ENPP1: variants seen among roughly 807,000 people sequenced by gnomAD.
ENPP1 encodes the protein ectonucleotide pyrophosphatase/phosphodiesterase family member 1.
ENPP1 carries 73 observed loss-of-function variants against 122.8 expected under a neutral mutation model. The observed-to-expected ratio is 0.59, with a 90% CI of 0.49 to 0.72. The LOEUF (loss-of-function observed/expected upper bound fraction) is 0.72. Among genes scored for constraint, ENPP1 ranks in the 30% least tolerant of loss-of-function variants. The pLI is 0.00. For missense variants in ENPP1, 978 were observed against 1,128.1 expected (o/e 0.87, Z 1.91); for synonymous variants, 367 against 391.6 (o/e 0.94, Z 0.74).
intron 24 of ENPP1, among the ~76,000 whole-genome samples, chr6:131,887,559 A>ATTTCT (rs773533330): frequency 1.2e-5 from 1 of 86,336 alleles, no homozygotes; most frequent in African/African-American, 5.8e-5. Context: ...CACCCAGCTA[A>ATTTCT]TTTTTTTTTT....
chr6:131,824,430 C>T (rs1295698048), intron 1 of ENPP1, among the ~76,000 whole-genome samples: 1 of 150,040 alleles, frequency 6.7e-6, no homozygotes, highest in Non-Finnish European at 1.5e-5. Context: ...CCAGAGCCAT[C>T]TCCAGGCAGG....
rs533289479 is a variant in ENPP1, at chr6:131,821,156, C to T, written c.240+12881C>T. ...TTTGTAAGAAATGCAGAATCTTGGG[C>T]CCCACCCCAGACCTACTAAACCAAG... On this transcript the variant is annotated intron_variant, in intron 1 of 24. Coordinates refer to ENST00000647893, the MANE Select transcript of ENPP1 (RefSeq NM_006208.3). Among the ~76,000 whole-genome samples, 24 of 152,216 alleles carry T rather than the reference C, an allele frequency of 1.6e-4. No homozygotes were observed. The South Asian group carries it at 4.8e-3, about 30-fold the overall frequency.
intron 12 of ENPP1, 132 bp downstream of exon 12, chr6:131,868,258 AG>A: frequency 1.5e-6 from 1 of 665,822 alleles, no homozygotes. Flanking sequence ...GACAGTCTTT[AG>A]GAAAAAAATA....
At chr6:131,840,840 A>G (rs1033625187) in intron 1 of ENPP1, among the ~76,000 whole-genome samples, 5 of 152,214 alleles carry the variant, frequency 3.3e-5, no homozygotes, top group Non-Finnish European at 7.3e-5. Context: ...AATTTGAACC[A>G]AAGTCATTTT....
chr6:131,843,638 C>G (rs1165712943), intron 1 of ENPP1, among the ~76,000 whole-genome samples: 1 of 151,210 alleles, frequency 6.6e-6, no homozygotes, highest in East Asian at 1.9e-4. Context: ...CCCCACCTTT[C>G]CCTCTCCCAG....
chr6:131,872,826 A>C (rs550994190), intron 14 of ENPP1, 97 bp from the exon 15 acceptor site: 1 of 1,228,562 alleles, frequency 8.1e-7, no homozygotes, highest in Admixed American at 2.0e-5. Context: ...GATATTAGGG[A>C]AATATCTTTC....
chr6:131,860,955 A>C (rs1257260902), intron 8 of ENPP1, among the ~76,000 whole-genome samples: 1 of 152,126 alleles, frequency 6.6e-6, no homozygotes, highest in African/African-American at 2.4e-5. Context: ...TTACTTTTTT[A>C]AATTGCCACA....
chr6:131,826,561 T>C, intron 1 of ENPP1: 5 of 1,220,358 alleles, frequency 4.1e-6, no homozygotes, highest in Non-Finnish European at 6.0e-6. Flanking sequence ...GTCTAACTCA[T>C]GCAAATTATT....
intron 20 of ENPP1, among the ~76,000 whole-genome samples, chr6:131,882,054 T>TAAAA (rs1782317839): frequency 6.7e-6 from 1 of 150,300 alleles, no homozygotes; most frequent in Admixed American, 6.6e-5. Flanking sequence ...AATAAATAAA[T>TAAAA]AAATATTTAA....
At chr6:131,808,520 A>C (rs1781310102) in intron 1 of ENPP1, among the ~76,000 whole-genome samples, 1 of 152,228 alleles carries the variant, frequency 6.6e-6, no homozygotes, top group Non-Finnish European at 1.5e-5. Flanking sequence ...CTGTGAAAGC[A>C]GGCTGTTCAA....
intron 9 of ENPP1, 84 bp from the exon 10 acceptor site, chr6:131,864,422 A>C: frequency 1.1e-6 from 1 of 871,218 alleles, no homozygotes; most frequent in Non-Finnish European, 1.9e-6. Context: ...AGTAGCTCTT[A>C]ATGACATTTT....
At chr6:131,854,285 T>A (rs1430215480) in intron 5 of ENPP1, among the ~76,000 whole-genome samples, 2 of 151,802 alleles carry the variant, frequency 1.3e-5, no homozygotes, top group African/African-American at 4.8e-5. Flanking sequence ...TGGTGGTGCG[T>A]GTTTGTAGTC....
intron 9 of ENPP1, among the ~76,000 whole-genome samples, chr6:131,863,699 G>C (rs1018134472): frequency 1.3e-5 from 2 of 151,404 alleles, no homozygotes; most frequent in Non-Finnish European, 2.9e-5. Flanking sequence ...CGGATCACGA[G>C]GTCAGGAGAT....
chr6:131,845,215 T>A (rs1781793140), intron 1 of ENPP1, among the ~76,000 whole-genome samples: 1 of 151,496 alleles, frequency 6.6e-6, no homozygotes, highest in Admixed American at 6.6e-5. Context: ...GTATTTTTGG[T>A]AGAGACGGGG....
chr6:131,888,736 G>C (rs1782421723), intron 24 of ENPP1, among the ~76,000 whole-genome samples: 1 of 152,180 alleles, frequency 6.6e-6, no homozygotes, highest in Admixed American at 6.5e-5. Context: ...TGACTCCACT[G>C]AAAGTTGTCA....
chr6:131,886,583 C>G lies in ENPP1; in HGVS notation c.2466C>G (p.Asn822Lys), dbSNP rs368946895. 3.1e-6 allele frequency: 5 copies of G among 1,613,452 alleles called. No individual in the cohort carries two copies. The African/African-American group carries it at 5.3e-5, about 17-fold the overall frequency. ...NLRQKRRVIR[N>K]QEILIPTHFF... ...ACAGAAAAAGAAGAGTCATCCGTAA[C>G]CAAGAAATTTTGATTCCAACTCACT... Residue 822 changes from asparagine (N) to lysine (K), a missense_variant, in exon 24 of 25, where the codon AAC becomes AAG. By Grantham distance (94) the Asn-to-Lys change is moderately conservative. Around this residue, in one of 3 missense-constraint regions of ENPP1, gnomAD observed 644 missense variants for 781.5 expected, o/e 0.82. Coordinates refer to ENST00000647893, the MANE Select transcript of ENPP1 (RefSeq NM_006208.3).
intron 6 of ENPP1, among the ~76,000 whole-genome samples, chr6:131,857,564 A>G (rs1198302665): frequency 4.7e-5 from 7 of 148,118 alleles, no homozygotes; most frequent in African/African-American, 1.0e-4. Flanking sequence ...AAAACCAAAC[A>G]CCACATATTC....
chr6:131,836,003 C>T (rs914068439), intron 1 of ENPP1, among the ~76,000 whole-genome samples: 3 of 152,120 alleles, frequency 2.0e-5, no homozygotes, highest in Non-Finnish European at 2.9e-5. Flanking sequence ...CATTTCGTGT[C>T]GTAATCGTAA....
intron 1 of ENPP1, among the ~76,000 whole-genome samples, chr6:131,809,735 T>C (rs1234715095): frequency 6.6e-6 from 1 of 152,262 alleles, no homozygotes; most frequent in Non-Finnish European, 1.5e-5. Context: ...TACATGCCTA[T>C]AAACCTTTAC....
Sources: allele counts gnomAD v4.1 joint callset (sites outside exome capture counted in the v4.1 genomes callset), GRCh38; gene constraint gnomAD v4.1.1; regional missense constraint gnomAD v4.1.1; transcripts MANE v1.5; gene names NCBI Gene and HGNC (gene_info 2026-07-23, HGNC 2026-07-21).